Variants in MAK observed in about 807,000 individuals in gnomAD.
MAK encodes serine/threonine-protein kinase MAK.
A neutral mutation model predicts 82.6 loss-of-function variants in MAK; 65 were observed. The ratio of observed to expected loss-of-function variants is 0.79; its 90% CI spans 0.64 to 0.97. The LOEUF is 0.97. Ranked by LOEUF, MAK falls within the 50% of genes least tolerant of loss-of-function variation. The pLI, the probability that MAK is intolerant of heterozygous loss-of-function variation, is 0.00. For missense variants in MAK, 703 were observed against 780.2 expected, an observed-to-expected ratio of 0.90 and a Z score of 1.18; for synonymous variants, 250 against 274.2, an observed-to-expected ratio of 0.91 and a Z score of 0.87.
chr6:10,815,940 ATATATATG>A lies in MAK; in HGVS notation c.278+1902_278+1909del, dbSNP rs1561991969. On this transcript the variant is annotated intron_variant, in intron 4 of 14. Coordinates refer to ENST00000354489, the MANE Select transcript of MAK (RefSeq NM_001242957.3). ...TATATATATATATATATATATATAT[ATATATATG>A]TATGTTTTCTTTTTTGTTTGAGATG... Among the ~76,000 whole-genome samples, 34 of 89,824 alleles carry A rather than the reference ATATATATG, an allele frequency of 3.8e-4. 1 individual carries two copies. The highest frequency in any genetic ancestry group is 1.1e-3 in the African/African-American group (30 of 27,084). 58.9% of individuals were successfully genotyped at this position (89,824 alleles called of 152,430 possible).
At chr6:10,827,654 T>A (rs1489750338) in intron 2 of MAK, 1 of 152,182 alleles carries the variant, frequency 6.6e-6, no homozygotes, top group East Asian at 1.9e-4. Flanking sequence ...TTATTCCTAT[T>A]TGCTAAGTTT....
chr6:10,830,739 GTCCT>G lies in MAK; in HGVS notation c.-95_-92del, dbSNP rs1778755787. On this transcript the variant is annotated 5_prime_UTR_variant, in exon 2 of 15. An upstream open reading frame in the 5' UTR loses its in-frame stop. Transcript: ENST00000354489. ...CGCTTCTTAATTTTTATTTGCTTTT[GTCCT>G]CACACTGTTGTTGCTACACTGGTGA... 1 of 977,734 alleles carries G rather than the reference GTCCT, an allele frequency of 1.0e-6. No individual in the cohort carries two copies. Among genetic ancestry groups the G allele is most frequent in the African/African-American group, 1.6e-5 (1 of 62,654 alleles). The allele number at this position is 977,734 out of a possible 1,614,324, so 60.6% of individuals were successfully genotyped here.
chr6:10,768,932 G>A (rs547215094), intron 14 of MAK, among the ~76,000 whole-genome samples: 4 of 152,312 alleles, frequency 2.6e-5, no homozygotes, highest in African/African-American at 9.6e-5. Flanking sequence ...ACTACAGGCC[G>A]GGCATAGTGG....
chr6:10,820,979 C>T (rs1433223159), intron 2 of MAK, among the ~76,000 whole-genome samples: 1 of 152,088 alleles, frequency 6.6e-6, no homozygotes, highest in South Asian at 2.1e-4. Flanking sequence ...GACATGGTCT[C>T]ATTCTGTCAC....
At chr6:10,818,214 T>C (rs1202821789) in intron 3 of MAK, among the ~76,000 whole-genome samples, 1 of 152,248 alleles carries the variant, frequency 6.6e-6, no homozygotes, top group Non-Finnish European at 1.5e-5. Flanking sequence ...CCTTGGTTTA[T>C]AAATAGGTCT....
intron 2 of MAK, among the ~76,000 whole-genome samples, chr6:10,824,916 A>G (rs2127583705): frequency 6.6e-6 from 1 of 152,320 alleles, no homozygotes; most frequent in East Asian, 1.9e-4. Flanking sequence ...TTGTTGAAAT[A>G]TCACAAGGCC....
At chr6:10,791,985 C>G in intron 9 of MAK, 138 bp from the exon 10 acceptor site, 1 of 892,824 alleles carries the variant, frequency 1.1e-6, no homozygotes, top group South Asian at 1.5e-5. Flanking sequence ...AACATATATA[C>G]ACATTTAAAA....
At chr6:10,807,336 C>CTTTT (rs35237927) in intron 6 of MAK, among the ~76,000 whole-genome samples, 21 of 73,750 alleles carry the variant, frequency 2.8e-4, no homozygotes, top group African/African-American at 9.2e-4. Context: ...ACATATATTC[C>CTTTT]TTTTTTTTTT....
chr6:10,819,918 C>T (rs1206646746), intron 2 of MAK, among the ~76,000 whole-genome samples: 1 of 151,922 alleles, frequency 6.6e-6, no homozygotes, highest in Non-Finnish European at 1.5e-5. Flanking sequence ...CGAGACCATC[C>T]TCGCTAACAC....
At chr6:10,806,414 C>T (rs1357478789) in intron 6 of MAK, among the ~76,000 whole-genome samples, 3 of 151,852 alleles carry the variant, frequency 2.0e-5, no homozygotes, top group African/African-American at 7.3e-5. Context: ...CTGCAAGCTC[C>T]GCCTCCCAGG....
Position 10,779,816 on chromosome 6 carries a change from C to G in MAK, c.1466-4357G>C, listed in dbSNP as rs191445526. On this transcript the variant is annotated intron_variant, in intron 11 of 14. Transcript: ENST00000354489. ...TCTCCTGCCTCAGCCTCCTGTGTAG[C>G]TGGGATTACAGGCACCCGCCACCAT... Among the ~76,000 whole-genome samples the G allele has an allele frequency of 2.0e-3, 300 of 152,256 alleles. 5 individuals carry two copies. Among genetic ancestry groups the G allele is most frequent in the Non-Finnish European group, 2.2e-4 (15 of 68,018 alleles).
chr6:10,813,958 T>A (rs1407039210), intron 4 of MAK, among the ~76,000 whole-genome samples: 3 of 112,712 alleles, frequency 2.7e-5, no homozygotes, highest in Non-Finnish European at 5.4e-5. Context: ...TGCACACATA[T>A]TAAATAGCTA....
chr6:10,819,440 G>A (rs2127578277), intron 2 of MAK, among the ~76,000 whole-genome samples: 1 of 152,182 alleles, frequency 6.6e-6, no homozygotes, highest in Non-Finnish European at 1.5e-5. Flanking sequence ...GACCATCCTG[G>A]CTAACATGGT....
intron 8 of MAK, among the ~76,000 whole-genome samples, chr6:10,797,235 A>G (rs1775640283): frequency 6.6e-6 from 1 of 152,206 alleles, no homozygotes; most frequent in South Asian, 2.1e-4. Flanking sequence ...AATATTATGA[A>G]AAATGATCAC....
intron 13 of MAK, among the ~76,000 whole-genome samples, chr6:10,771,041 G>A (rs978225500): frequency 6.6e-6 from 1 of 152,100 alleles, no homozygotes; most frequent in Non-Finnish European, 1.5e-5. Flanking sequence ...CAACATAGGA[G>A]GAGAATCAGG....
intron 11 of MAK, among the ~76,000 whole-genome samples, chr6:10,777,791 A>G (rs552578309): frequency 4.6e-5 from 7 of 152,084 alleles, no homozygotes; most frequent in Non-Finnish European, 8.8e-5. Flanking sequence ...GGCATGCGCC[A>G]TCACGCCCGG....
intron 1 of MAK, among the ~76,000 whole-genome samples, chr6:10,836,682 T>A (rs1209479500): frequency 6.6e-6 from 1 of 152,200 alleles, no homozygotes; most frequent in East Asian, 1.9e-4. Flanking sequence ...AAAATAGGAA[T>A]ATATTAACAC....
In MAK at chr6:10,816,232, G is replaced by A. The variant is rs890192777; in HGVS notation, c.278+1618C>T. On this transcript the variant is annotated intron_variant, in intron 4 of 14. Transcript: ENST00000354489. ...ACTACAGGTGTGTGCCACCACACCTGGCTAATTTTTTAATTTTTTTGTAGA... is the reference window on the plus strand; with the variant it reads ...ACTACAGGTGTGTGCCACCACACCTAGCTAATTTTTTAATTTTTTTGTAGA... Among the ~76,000 whole-genome samples the A allele has an allele frequency of 4.6e-5, 7 of 151,430 alleles. No homozygotes were observed. The East Asian group carries it at 1.4e-3, about 30-fold the overall frequency.
chr6:10,813,517 G>A (rs1418029893), intron 5 of MAK, 127 bp downstream of exon 5: 2 of 687,468 alleles, frequency 2.9e-6, no homozygotes, highest in Non-Finnish European at 5.4e-6. Context: ...ATGTCAGTGT[G>A]TATAGGCACA....
Sources: gnomAD v4.1 joint callset for allele counts (sites outside exome capture counted in the v4.1 genomes callset) on GRCh38, gnomAD v4.1.1 for gene constraint, MANE v1.5 for transcripts, NCBI Gene and HGNC (gene_info 2026-07-23, HGNC 2026-07-21) for gene names.